The following PNPLA7 variants were observed in gnomAD, a reference collection of about 807,000 sequenced individuals.
PNPLA7 encodes the protein patatin like domain 7, lysophospholipase.
PNPLA7 carries 153 observed loss-of-function variants against 161.7 expected under a neutral mutation model. That is an observed-to-expected ratio of 0.95 (90% CI 0.83 to 1.08). PNPLA7 has a LOEUF of 1.08. PNPLA7 is among the 50% of genes least tolerant of loss of function. The pLI, the probability that PNPLA7 is intolerant of heterozygous loss-of-function variation, is 0.00. For missense variants in PNPLA7, 1,739 were observed against 1,856.6 expected (o/e 0.94, Z 1.16); for synonymous variants, 809 against 782.1 (o/e 1.03, Z -0.57).
intron 14 of PNPLA7, among the ~76,000 whole-genome samples, chr9:137,502,136 A>G (rs1002531706): frequency 1.3e-5 from 2 of 152,194 alleles, no homozygotes; most frequent in African/African-American, 4.8e-5. Context: ...AGGACTCTGG[A>G]ATCTGGGAGC....
intron 8 of PNPLA7, among the ~76,000 whole-genome samples, chr9:137,538,245 G>A (rs1488412616): frequency 1.3e-5 from 2 of 152,136 alleles, no homozygotes; most frequent in African/African-American, 2.4e-5. Context: ...CAGGCCACGC[G>A]TCACGTGAAG....
rs576366328 is a variant in PNPLA7, at chr9:137,538,402, G to C, written c.747+2240C>G. On this transcript the variant is annotated intron_variant, in intron 8 of 34. Coordinates refer to ENST00000406427, the MANE Select transcript of PNPLA7 (RefSeq NM_001098537.3). ...ACACCCCGATGTCTGGCTGGAGCTT[G>C]TTACGTCCTTTCCGAGCAGAGGAAC... 3.9e-5 allele frequency among the ~76,000 whole-genome samples: 6 copies of C among 152,342 alleles called. No individual in the cohort carries two copies. In the South Asian group the frequency reaches 1.2e-3, roughly 32 times the overall value.
chr9:137,461,461 T>TGGGGGGGGGGGGGGGCCTGGGGGGGG, intron 33 of PNPLA7, 75 bp downstream of exon 33: 4 of 1,189,074 alleles, frequency 3.4e-6, no homozygotes, highest in Non-Finnish European at 4.4e-6. Flanking sequence ...GCCTCTGGGG[T>TGGGGGGGGGGGGGGGCCTGGGGGGGG]GGGGGGGTTC....
chr9:137,500,697 A>G lies in PNPLA7; in HGVS notation c.1751T>C (p.Phe584Ser). The G allele has an allele frequency of 3.1e-6, 5 of 1,612,162 alleles. No homozygotes were observed. The highest frequency in any genetic ancestry group is 4.2e-6 in the Non-Finnish European group (5 of 1,179,776). ...CCTGGCCCGTGGGACTCACTCATAG[A>G]AGTGGGCCTTGGAGATGGACAGGAA... is the stretch of plus-strand genomic sequence containing the variant. The part of the protein sequence containing the change: ...CSFLSISKAH[F>S]YEIMRKQPTV... Residue 584 changes from phenylalanine (F) to serine (S), a missense_variant, in exon 16 of 35, where the codon TTC becomes TCC. Around this residue, in one of 6 missense-constraint regions of PNPLA7, gnomAD observed 481 missense variants for 450.0 expected, o/e 1.07. Transcript: ENST00000406427. This position sits in a 1 kb window ranked among gnomAD's most constrained non-coding sequence, Gnocchi z 5.5.
chr9:137,496,775 C>A (rs1833082249), intron 18 of PNPLA7, among the ~76,000 whole-genome samples: 1 of 152,208 alleles, frequency 6.6e-6, no homozygotes, highest in Admixed American at 6.5e-5. Context: ...GGCCGTGGCA[C>A]CTTGGAGCTG....
chr9:137,518,157 G>A (rs1291348456), intron 11 of PNPLA7, among the ~76,000 whole-genome samples: 2 of 44,028 alleles, frequency 4.5e-5, no homozygotes, highest in Non-Finnish European at 9.0e-5. Context: ...CCCCACTCAC[G>A]CACTCACTCC....
chr9:137,462,930 T>C (rs1162098908), intron 29 of PNPLA7, 97 bp from the exon 30 acceptor site: 1 of 1,512,350 alleles, frequency 6.6e-7, no homozygotes, highest in African/African-American at 1.4e-5. Context: ...GTGGGGGTTG[T>C]GGGGTCTCCT....
In PNPLA7 at chr9:137,463,010, G is replaced by A. The variant is rs895827722; in HGVS notation, c.3344-177C>T. Reference sequence around the variant, plus strand: ...CTCGATGGGCAGCTGTGGGCACACGGCTGTGTCCTGGGCCTTTCTGACCGT... The same window carrying A: ...CTCGATGGGCAGCTGTGGGCACACGACTGTGTCCTGGGCCTTTCTGACCGT... On this transcript the variant is annotated intron_variant, in intron 29 of 34. Transcript: ENST00000406427. 12 of 874,778 alleles carry A rather than the reference G, an allele frequency of 1.4e-5. No homozygotes were observed. The Admixed American group carries it at 2.7e-4, about 20-fold the overall frequency. 54.2% of individuals were successfully genotyped at this position (874,778 alleles called of 1,614,324 possible).
rs939028545 is a variant in PNPLA7 at position 137,500,499 on chromosome 9, G to T, written c.1757+192C>A. ...CGTGCGAAGCTGATCGCTGCGGGCAGGTGGGGTCGGCTGACTGAGCGCTGG... is the reference window on the plus strand; with the variant it reads ...CGTGCGAAGCTGATCGCTGCGGGCATGTGGGGTCGGCTGACTGAGCGCTGG... On this transcript the variant is annotated intron_variant, in intron 16 of 34. Coordinates refer to ENST00000406427, the MANE Select transcript of PNPLA7 (RefSeq NM_001098537.3). This position sits in a 1 kb window ranked among gnomAD's most constrained non-coding sequence, Gnocchi z 5.5. Among the ~76,000 whole-genome samples the T allele has an allele frequency of 1.3e-5, 2 of 152,210 alleles. No homozygotes were observed. Among genetic ancestry groups the T allele is most frequent in the African/African-American group, 4.8e-5 (2 of 41,454 alleles).
At chr9:137,526,115 T>C (rs1564354570) in intron 8 of PNPLA7, among the ~76,000 whole-genome samples, 4 of 152,194 alleles carry the variant, frequency 2.6e-5, no homozygotes, top group Admixed American at 6.5e-5. Context: ...ATTCTTATTC[T>C]GTATATTTTC....
chr9:137,503,508 AAGGAGG>A (rs149709073), intron 14 of PNPLA7, among the ~76,000 whole-genome samples: 1 of 38,428 alleles, frequency 2.6e-5, no homozygotes, highest in African/African-American at 1.1e-4. Context: ...GGGGAAGGAG[AAGGAGG>A]AGGAGGAAGG....
intron 8 of PNPLA7, among the ~76,000 whole-genome samples, chr9:137,531,195 C>T (rs1023379870): frequency 4.1e-4 from 62 of 152,120 alleles, no homozygotes; most frequent in Non-Finnish European, 2.1e-4. Context: ...ACTGAAATCA[C>T]GGCCTGCTCC....
At position 137,543,339 on chromosome 9, in the gene PNPLA7, CA is replaced by C. The variant is rs1420156230; in HGVS notation, c.506+92del. On this transcript the variant is annotated intron_variant, in intron 6 of 34. Coordinates refer to ENST00000406427, the MANE Select transcript of PNPLA7 (RefSeq NM_001098537.3). The surrounding 1 kb of genome is among the most constrained non-coding windows in gnomAD (Gnocchi z 6.9). ...CGATGCGCTTTGCCAACCATTCCCC[CA>C]ACACAAGACGGCCAAGCTGGAGCCA... is the stretch of plus-strand genomic sequence containing the variant. 6.5e-7 allele frequency: 1 copy of C among 1,530,186 alleles called. No homozygotes were observed. The highest frequency in any genetic ancestry group is 9.0e-7 in the Non-Finnish European group (1 of 1,114,954). The allele number at this position is 1,530,186 out of a possible 1,614,324, so 94.8% of individuals were successfully genotyped here. A position where few individuals can be genotyped will look rare whatever the true frequency, so the allele number is the denominator to read the frequency against.
chr9:137,522,290 G>T (rs565906599), intron 9 of PNPLA7, among the ~76,000 whole-genome samples: 11 of 149,550 alleles, frequency 7.4e-5, no homozygotes, highest in African/African-American at 2.6e-4. Flanking sequence ...GAGCCAGGAT[G>T]GTCTCGATCT....
intron 25 of PNPLA7, among the ~76,000 whole-genome samples, chr9:137,474,969 C>T (rs1219940125): frequency 1.8e-5 from 2 of 110,088 alleles, no homozygotes; most frequent in Non-Finnish European, 3.1e-5. Context: ...TGCAGGGAGC[C>T]GAGCCGAGAT....
rs778172282 is a variant in PNPLA7 at position 137,480,475 on chromosome 9, T to A, written c.2417A>T (p.His806Leu). The A allele has an allele frequency of 6.2e-7, 1 of 1,610,368 alleles. No individual in the cohort carries two copies. The highest frequency in any genetic ancestry group is 8.5e-7 in the Non-Finnish European group (1 of 1,177,940). ...CAGCCAGCTGGACAGCCGGTACTCG[T>A]GAACACTGCAGCACGCAGAGGGAGT... ...RLGSAALDSV[H>L]EYRLSSWLGQ... The change falls in exon 23 of 35, where the codon CAC becomes CTC. Residue 806 changes from histidine (H) to leucine (L), a missense_variant. Coordinates refer to ENST00000406427, the MANE Select transcript of PNPLA7 (RefSeq NM_001098537.3).
chr9:137,543,966 T>C lies in PNPLA7; in HGVS notation c.274-151A>G. 1.5e-6 allele frequency: 1 copy of C among 649,864 alleles called. No individual in the cohort carries two copies. Among genetic ancestry groups the C allele is most frequent in the South Asian group, 1.8e-5 (1 of 54,586 alleles). 40.3% of individuals were successfully genotyped at this position (649,864 alleles called of 1,614,324 possible). A position where few individuals can be genotyped will look rare whatever the true frequency, so the allele number is the denominator to read the frequency against. ...GTCTGGCTGTGCCATTTTCCCACCC[T>C]GCCTGGCCTGTGAGGGAATGTTGGC... On this transcript the variant is annotated intron_variant, in intron 4 of 34. Coordinates refer to ENST00000406427, the MANE Select transcript of PNPLA7 (RefSeq NM_001098537.3). The surrounding 1 kb of genome is among the most constrained non-coding windows in gnomAD (Gnocchi z 6.9).
At chr9:137,485,195 A>G (rs1335511381) in intron 20 of PNPLA7, among the ~76,000 whole-genome samples, 2 of 152,402 alleles carry the variant, frequency 1.3e-5, no homozygotes, top group East Asian at 3.9e-4. Context: ...GTCCAGGCCC[A>G]GGCCCAGGGA....
At chr9:137,502,739 A>ACGCGGGG (rs1833547415) in intron 14 of PNPLA7, among the ~76,000 whole-genome samples, 1 of 10,374 alleles carries the variant, frequency 9.6e-5, no homozygotes, top group African/African-American at 4.3e-4. Context: ...GGGGGGGACG[A>ACGCGGGG]GAGGGATGTG....
Sources: gnomAD v4.1 joint callset for allele counts (sites outside exome capture counted in the v4.1 genomes callset) on GRCh38, gnomAD v4.1.1 for gene constraint, gnomAD v4.1.1 regional missense constraint, Gnocchi (gnomAD v3.1) non-coding constraint, MANE v1.5 for transcripts, NCBI Gene and HGNC (gene_info 2026-07-23, HGNC 2026-07-21) for gene names.